TRPM5: variants seen among roughly 807,000 people sequenced by gnomAD.
The protein encoded by TRPM5 is MLSN1 and TRP-related.
TRPM5 carries 121 observed loss-of-function variants against 124.9 expected under a neutral mutation model. That is an observed-to-expected ratio of 0.97 (90% CI 0.84 to 1.13). The LOEUF (loss-of-function observed/expected upper bound fraction) is 1.13. TRPM5 is among the 50% of genes most tolerant of loss of function. TRPM5 has a pLI of 0.00. For missense variants in TRPM5, 1,643 were observed against 1,589.1 expected, an observed-to-expected ratio of 1.03 and a Z score of -0.58; for synonymous variants, 781 against 700.5, an observed-to-expected ratio of 1.11 and a Z score of -1.81.
At chr11:2,428,661 G>T in the TRPM5 span, among the ~76,000 whole-genome samples, 40 of 152,114 alleles carry the variant, frequency 2.6e-4, no homozygotes, top group Admixed American at 1.0e-3. The surrounding 1 kb of genome is among the most constrained non-coding windows in gnomAD (Gnocchi z 4.0). Flanking sequence ...TGGTGATGGT[G>T]GTGGGAATGA....
upstream of TRPM5, among the ~76,000 whole-genome samples, chr11:2,425,391 C>T (rs910103857): frequency 6.6e-6 from 1 of 152,180 alleles, no homozygotes; most frequent in African/African-American, 2.4e-5. Context: ...TTGGTTGCCG[C>T]ATGGTCTGCC....
chr11:2,404,958 G>C, exon 24 of TRPM5: 1 of 1,612,400 alleles, frequency 6.2e-7, no homozygotes, highest in South Asian at 1.1e-5. Flanking sequence ...AGGGAGGCTG[G>C]CCAGCCCCGG....
chr11:2,426,850 G>C (rs1450576024), upstream of TRPM5, among the ~76,000 whole-genome samples: 4 of 152,198 alleles, frequency 2.6e-5, no homozygotes, highest in Non-Finnish European at 5.9e-5. Flanking sequence ...TCCCTATGAG[G>C]ATGCCCCATC....
At chr11:2,407,962 C>T (rs200423127) in intron 18 of TRPM5, 50 bp from the exon 24 acceptor site, 28 of 1,595,004 alleles carry the variant, frequency 1.8e-5, no homozygotes, top group African/African-American at 1.2e-4. Context: ...GCCACAAGGG[C>T]GGCCTTAGGC....
At chr11:2,423,829 C>T (rs1165594877), upstream of TRPM5, among the ~76,000 whole-genome samples, 3 of 152,256 alleles carry the variant, frequency 2.0e-5, no homozygotes, top group African/African-American at 2.4e-5. Context: ...GCACTGGCCC[C>T]TCAGCGCCCT....
At chr11:2,435,082 G>A in the TRPM5 span, among the ~76,000 whole-genome samples, 1 of 152,136 alleles carries the variant, frequency 6.6e-6, no homozygotes, top group Non-Finnish European at 1.5e-5. The surrounding 1 kb of genome is among the most constrained non-coding windows in gnomAD (Gnocchi z 4.1). Context: ...TTACAGGCAT[G>A]AGCCACCACA....
chr11:2,407,965 C>A, intron 18 of TRPM5, 53 bp from the exon 24 acceptor site: 1 of 1,594,096 alleles, frequency 6.3e-7, no homozygotes, highest in Non-Finnish European at 8.5e-7. Flanking sequence ...ACAAGGGCGG[C>A]CTTAGGCAAA....
At chr11:2,430,132 G>A in the TRPM5 span, among the ~76,000 whole-genome samples, 1 of 152,136 alleles carries the variant, frequency 6.6e-6, no homozygotes, top group African/African-American at 2.4e-5. Flanking sequence ...AACCTTCCAT[G>A]GCTCCCTATT....
Position 2,417,847 on chromosome 11 carries a change from G to C in TRPM5, c.907-18C>G. The C allele has an allele frequency of 6.4e-7, 1 of 1,560,696 alleles. No individual in the cohort carries two copies. Among genetic ancestry groups the C allele is most frequent in the South Asian group, 1.2e-5 (1 of 85,074 alleles). ...TTCTGCAGCTGGGCACCAGAACAGA[G>C]CCCCCATGGGGCCGCCTCAGCCAGG... On this transcript the variant is annotated intron_variant, in intron 6 of 23. Coordinates refer to ENST00000155858, the Ensembl canonical transcript of TRPM5.
chr11:2,423,808 T>A (rs980792008), upstream of TRPM5, among the ~76,000 whole-genome samples: 5 of 152,108 alleles, frequency 3.3e-5, no homozygotes, highest in East Asian at 9.7e-4. Context: ...GTGGCAGGGA[T>A]CCAAGGATCG....
chr11:2,414,014 C>CCCCCCCCCCCCCCCCCCCCCA, intron 12 of TRPM5, 47 bp downstream of exon 17: 1 of 533,206 alleles, frequency 1.9e-6, no homozygotes, highest in Non-Finnish European at 3.5e-6. Flanking sequence ...AGCTCGCCCG[C>CCCCCCCCCCCCCCCCCCCCCA]CCACCCCACC....
chr11:2,408,298 CCCT>C (rs890355734), intron 18 of TRPM5, among the ~76,000 whole-genome samples: 4 of 152,248 alleles, frequency 2.6e-5, no homozygotes, highest in African/African-American at 9.6e-5. Flanking sequence ...AAACCTCCAC[CCCT>C]CCTCCGAAAA....
At chr11:2,417,189 C>T (rs1385907175) in intron 7 of TRPM5, among the ~76,000 whole-genome samples, 1 of 152,208 alleles carries the variant, frequency 6.6e-6, no homozygotes, top group East Asian at 1.9e-4. Flanking sequence ...CGGTGGCTCA[C>T]GCCTGTAACC....
chr11:2,405,878 C>T (rs1850309824), intron 22 of TRPM5, 141 bp downstream of exon 27: 6 of 798,712 alleles, frequency 7.5e-6, no homozygotes, highest in South Asian at 1.6e-5. Context: ...CAGAACGCTC[C>T]TCTGCCCACT....
chr11:2,415,109 G>GC lies in TRPM5; in HGVS notation c.1479+11dup, dbSNP rs557861305. 3.2e-6 allele frequency: 5 copies of GC among 1,572,370 alleles called. No individual in the cohort carries two copies. Among genetic ancestry groups the GC allele is most frequent in the Non-Finnish European group, 4.3e-6 (5 of 1,163,402 alleles). ...CAGCCTCGCCCTCCATCCCCACGGA[G>GC]CCCCCGCTCACCGCCCTCCTGCGGT... On this transcript the variant is annotated intron_variant, in intron 9 of 23. Transcript: ENST00000155858.
the TRPM5 span, among the ~76,000 whole-genome samples, chr11:2,444,268 A>G: frequency 3.3e-5 from 5 of 152,020 alleles, no homozygotes; most frequent in Non-Finnish European, 1.5e-5. Flanking sequence ...GGGCGCTCAC[A>G]GTGATCGCGG....
At chr11:2,439,723 G>A in the TRPM5 span, among the ~76,000 whole-genome samples, 5 of 152,334 alleles carry the variant, frequency 3.3e-5, no homozygotes, top group South Asian at 4.1e-4. Flanking sequence ...TATACACTGT[G>A]GGTGGGAATG....
the TRPM5 span, among the ~76,000 whole-genome samples, chr11:2,442,307 A>G: frequency 2.7e-4 from 40 of 150,788 alleles, no homozygotes; most frequent in African/African-American, 9.8e-4. The surrounding 1 kb of genome is among the most constrained non-coding windows in gnomAD (Gnocchi z 5.9). Context: ...TACTTCTTTG[A>G]TTTTTTAAAT....
chr11:2,415,454 C>T (rs149896346), exon 9 of TRPM5: 34 of 1,577,718 alleles, frequency 2.2e-5, no homozygotes, highest in Non-Finnish European at 2.7e-5. Flanking sequence ...CCACCATCAC[C>T]TCCTCCAGGT....
Sources: allele counts gnomAD v4.1 joint callset (sites outside exome capture counted in the v4.1 genomes callset), GRCh38; gene constraint gnomAD v4.1.1; non-coding constraint Gnocchi (gnomAD v3.1); transcripts MANE v1.5; gene names NCBI Gene and HGNC (gene_info 2026-07-23, HGNC 2026-07-21).